The following LIMCH1 variants were observed in gnomAD, a reference collection of about 807,000 sequenced individuals.
The protein encoded by LIMCH1 is LIM and calponin homology domains-containing protein 1.
In LIMCH1, 113 loss-of-function variants were observed where a neutral mutation model predicts 176.5. That is an observed-to-expected ratio of 0.64 (90% CI 0.55 to 0.75). The LOEUF is 0.75. LIMCH1 is among the 30% of genes least tolerant of loss of function. The probability of loss-of-function intolerance (pLI) is 0.00; values close to 1 mark genes in which losing one functional copy is unlikely to be tolerated. For missense variants in LIMCH1, 1,674 were observed against 1,814.9 expected (o/e 0.92, Z 1.41); for synonymous variants, 619 against 645.9 (o/e 0.96, Z 0.63).
intron 2 of LIMCH1, among the ~76,000 whole-genome samples, chr4:41,502,286 C>T (rs1583209579): frequency 6.6e-6 from 1 of 152,146 alleles, no homozygotes; most frequent in East Asian, 1.9e-4. Context: ...GTATCTGTAC[C>T]ACATTTTCTT....
chr4:41,619,516 C>G lies in LIMCH1; in HGVS notation c.458+76C>G, dbSNP rs555311232. 5.7e-6 allele frequency: 9 copies of G among 1,569,640 alleles called. No individual in the cohort carries two copies. The South Asian group carries it at 9.1e-5, about 16-fold the overall frequency. ...GGGAACTGCAGCTCCTGGACAGGAA[C>G]GAGGTTAAATGACCAATTCAGAACT... is the stretch of plus-strand genomic sequence containing the variant. On this transcript the variant is annotated intron_variant, in intron 6 of 31. Coordinates refer to ENST00000503057, the MANE Select transcript of LIMCH1 (RefSeq NM_001330672.2).
chr4:41,619,236 A>C lies in LIMCH1; in HGVS notation c.254A>C (p.Asp85Ala). 6.2e-7 allele frequency: 1 copy of C among 1,614,156 alleles called. No homozygotes were observed. ...ESDLPHRKLPDVKKDDMSARR... is the reference protein window; with the variant it reads ...ESDLPHRKLPAVKKDDMSARR... ...GACTTGCCTCATCGGAAGCTGCCAG[A>C]TGTGAAGAAGGATGACATGTCTGCA... The change falls in exon 6 of 32, where the codon GAT (aspartate) becomes GCT (alanine). Residue 85 changes from aspartate to alanine, a missense_variant. By Grantham distance (126) the Asp-to-Ala change is moderately radical. This residue lies in a region of LIMCH1 where 655 missense variants were observed against 692.2 expected (regional missense o/e 0.95). Transcript: ENST00000503057.
intron 1 of LIMCH1, among the ~76,000 whole-genome samples, chr4:41,378,952 G>A (rs899589936): frequency 7.2e-5 from 11 of 152,150 alleles, no homozygotes; most frequent in Admixed American, 5.9e-4. Flanking sequence ...CATTCAGAGA[G>A]GGAGTTGAGA....
At chr4:41,399,762 A>G (rs2058188036) in intron 1 of LIMCH1, among the ~76,000 whole-genome samples, 2 of 130,114 alleles carry the variant, frequency 1.5e-5, no homozygotes, top group Non-Finnish European at 3.1e-5. Flanking sequence ...GTGTACCTCA[A>G]CCTCTGCCTC....
chr4:41,379,328 C>T (rs2055277039), intron 1 of LIMCH1, among the ~76,000 whole-genome samples: 1 of 152,144 alleles, frequency 6.6e-6, no homozygotes, highest in African/African-American at 2.4e-5. Context: ...ATCTAGGCCT[C>T]CCTGTGGGGC....
chr4:41,418,688 T>C (rs1356180440), intron 1 of LIMCH1: 2 of 152,234 alleles, frequency 1.3e-5, no homozygotes, highest in Non-Finnish European at 2.9e-5. Context: ...CCCAGACGTT[T>C]GCAGAATTCC....
At chr4:41,384,297 T>C (rs189143572) in intron 1 of LIMCH1, among the ~76,000 whole-genome samples, 103 of 151,508 alleles carry the variant, frequency 6.8e-4, no homozygotes, top group Non-Finnish European at 1.1e-3. Context: ...CTCCGTCTCC[T>C]GGGTTGACGC....
chr4:41,469,704 T>C (rs1223627446), intron 1 of LIMCH1, among the ~76,000 whole-genome samples: 1 of 151,576 alleles, frequency 6.6e-6, no homozygotes, highest in Non-Finnish European at 1.5e-5. Context: ...ATTTTTGAGA[T>C]GGAATCTCTC....
chr4:41,432,163 A>G (rs1389559967), intron 1 of LIMCH1, among the ~76,000 whole-genome samples: 2 of 152,212 alleles, frequency 1.3e-5, no homozygotes, highest in Non-Finnish European at 2.9e-5. Context: ...TATAGTACAG[A>G]TAAATTTGGG....
At chr4:41,680,844 C>A in intron 24 of LIMCH1, 111 bp from the exon 25 acceptor site, 1 of 569,958 alleles carries the variant, frequency 1.8e-6, no homozygotes, top group Non-Finnish European at 3.2e-6. Context: ...AAATGCCCTG[C>A]TTGTTCGAAC....
At chr4:41,395,960 G>T (rs1256392031) in intron 1 of LIMCH1, among the ~76,000 whole-genome samples, 1 of 152,204 alleles carries the variant, frequency 6.6e-6, no homozygotes, top group Non-Finnish European at 1.5e-5. Context: ...ATCAGGGACA[G>T]TCTTACTGAG....
chr4:41,416,227 ATAAAT>A (rs2059925095), intron 1 of LIMCH1, among the ~76,000 whole-genome samples: 1 of 152,216 alleles, frequency 6.6e-6, no homozygotes, highest in South Asian at 2.1e-4. Flanking sequence ...GCTCAAATGA[ATAAAT>A]GTAAATAGTT....
intron 1 of LIMCH1, among the ~76,000 whole-genome samples, chr4:41,390,651 C>T (rs1017079981): frequency 1.3e-5 from 2 of 152,176 alleles, no homozygotes; most frequent in African/African-American, 4.8e-5. Flanking sequence ...TTTCATTGGA[C>T]ATTCCTAAAG....
rs1401008608 is a variant in LIMCH1 at position 41,449,427 on chromosome 4, C to A, written c.97-45109C>A. 2.6e-5 allele frequency among the ~76,000 whole-genome samples: 4 copies of A among 152,310 alleles called. No homozygotes were observed. In the East Asian group the frequency reaches 5.8e-4, roughly 22 times the overall value. ...CCTCCTTTTCCCCTTAACAGCTATA[C>A]CTGTTTATTGTAACAATATATTTAT... is the stretch of plus-strand genomic sequence containing the variant. On this transcript the variant is annotated intron_variant, in intron 1 of 26. Transcript: ENST00000313860.
intron 1 of LIMCH1, among the ~76,000 whole-genome samples, chr4:41,419,109 A>C (rs780549352): frequency 7.9e-5 from 12 of 151,672 alleles, no homozygotes; most frequent in Non-Finnish European, 1.8e-4. Flanking sequence ...TACATTTCTA[A>C]GTCACTACGT....
intron 1 of LIMCH1, among the ~76,000 whole-genome samples, chr4:41,384,556 T>G (rs755377098): frequency 6.6e-6 from 1 of 152,082 alleles, no homozygotes; most frequent in Non-Finnish European, 1.5e-5. Context: ...GTCAATAAAC[T>G]TTGAATAAGT....
At chr4:41,685,879 A>G (rs201182928) in intron 28 of LIMCH1, 49 bp downstream of exon 28, 19 of 1,593,308 alleles carry the variant, frequency 1.2e-5, no homozygotes, top group East Asian at 4.5e-5. Context: ...TTAAAAATTC[A>G]TTTAGTTAGA....
At chr4:41,492,281 A>G (rs1415730041) in intron 1 of LIMCH1, among the ~76,000 whole-genome samples, 2 of 152,126 alleles carry the variant, frequency 1.3e-5, no homozygotes, top group South Asian at 4.2e-4. Flanking sequence ...TGTGCCTGGA[A>G]TCCCAGGCAC....
Position 41,549,145 on chromosome 4 carries a change from C to A in LIMCH1, c.-241+10795C>A, listed in dbSNP as rs144220223. ...ACTCCAGCAACCATCCTGCCTTGGC[C>A]TCCCAAAGTGCTGGGATTACAGGCA... On this transcript the variant is annotated intron_variant, in intron 1 of 31. Coordinates refer to ENST00000503057, the MANE Select transcript of LIMCH1 (RefSeq NM_001330672.2). Among the ~76,000 whole-genome samples, 885 of 152,214 alleles carry A rather than the reference C, an allele frequency of 5.8e-3. 5 individuals are homozygous for A. Among genetic ancestry groups the A allele is most frequent in the Middle Eastern group, 0.017 (5 of 294 alleles).
Sources: allele counts gnomAD v4.1 joint callset (sites outside exome capture counted in the v4.1 genomes callset), GRCh38; gene constraint gnomAD v4.1.1; regional missense constraint gnomAD v4.1.1; transcripts MANE v1.5; gene names NCBI Gene and HGNC (gene_info 2026-07-23, HGNC 2026-07-21).